The following SLC4A4 variants were observed in gnomAD, a reference collection of about 807,000 sequenced individuals.
SLC4A4 encodes electrogenic sodium bicarbonate cotransporter 1.
Under a neutral mutation model 111.5 loss-of-function variants are expected in SLC4A4, and 27 were observed. The observed-to-expected ratio is 0.24, with a 90% CI of 0.18 to 0.33. The LOEUF (loss-of-function observed/expected upper bound fraction) is 0.33, where lower values mean the gene tolerates loss of function less well. SLC4A4 is among the 10% of genes least tolerant of loss of function. The pLI, the probability that SLC4A4 is intolerant of heterozygous loss-of-function variation, is 1.00. For missense variants in SLC4A4, 909 were observed against 1,315.5 expected (o/e 0.69, Z 4.78); for synonymous variants, 443 against 463.4 (o/e 0.96, Z 0.57).
At chr4:71,534,665 C>A (rs148999464) in intron 18 of SLC4A4, among the ~76,000 whole-genome samples, 1 of 152,030 alleles carries the variant, frequency 6.6e-6, no homozygotes, top group Non-Finnish European at 1.5e-5. Context: ...TAGCCACAGT[C>A]ATCCTACATC....
At chr4:71,504,617 A>C (rs1731225207) in intron 16 of SLC4A4, among the ~76,000 whole-genome samples, 1 of 139,726 alleles carries the variant, frequency 7.2e-6, no homozygotes, top group African/African-American at 2.5e-5. Flanking sequence ...TCTATTCTAT[A>C]AATATTCTTT....
At chr4:71,526,016 T>C (rs1207983984) in intron 16 of SLC4A4, among the ~76,000 whole-genome samples, 1 of 152,102 alleles carries the variant, frequency 6.6e-6, no homozygotes, top group Non-Finnish European at 1.5e-5. Context: ...ATTGTGTATC[T>C]AGTAGACTAT....
chr4:71,473,366 TA>T, intron 14 of SLC4A4: 1 of 464,490 alleles, frequency 2.2e-6, no homozygotes, highest in Non-Finnish European at 3.8e-6. Flanking sequence ...TTCCTTTAAG[TA>T]AACCTTTAAT....
intron 1 of SLC4A4, among the ~76,000 whole-genome samples, chr4:71,081,456 C>T (rs1741991136): frequency 6.6e-6 from 1 of 152,136 alleles, no homozygotes; most frequent in Non-Finnish European, 1.5e-5. Flanking sequence ...TGTGCTGGTG[C>T]TGGTACTCCA....
At chr4:71,376,430 C>T (rs1159474090) in intron 6 of SLC4A4, among the ~76,000 whole-genome samples, 1 of 151,038 alleles carries the variant, frequency 6.6e-6, no homozygotes, top group Non-Finnish European at 1.5e-5. Flanking sequence ...GTCTTGATCT[C>T]CTGACCTCGT....
At chr4:71,508,121 A>G (rs1458094140) in intron 16 of SLC4A4, among the ~76,000 whole-genome samples, 1 of 152,186 alleles carries the variant, frequency 6.6e-6, no homozygotes, top group African/African-American at 2.4e-5. Flanking sequence ...CTAAAAGCCC[A>G]CATCAAAAAG....
chr4:71,132,887 T>C (rs1172839159), intron 2 of SLC4A4, among the ~76,000 whole-genome samples: 1 of 152,182 alleles, frequency 6.6e-6, no homozygotes, highest in Admixed American at 6.5e-5. Flanking sequence ...TATCACTGTG[T>C]TGGGCACTGC....
At position 71,151,885 on chromosome 4, in the gene SLC4A4, A is replaced by T. The variant is rs563548286; in HGVS notation, c.-2+59093A>T. 1.3e-4 allele frequency among the ~76,000 whole-genome samples: 20 copies of T among 151,810 alleles called. No homozygotes were observed. The South Asian group carries it at 2.1e-3, about 16-fold the overall frequency. On this transcript the variant is annotated intron_variant, in intron 2 of 26. Transcript: ENST00000649996. Reference sequence around the variant, plus strand: ...AGACCAGCCTGGCCAACATGGTAAAACCCCATCTCTACTAAAAATACAAAA... The same window carrying T: ...AGACCAGCCTGGCCAACATGGTAAATCCCCATCTCTACTAAAAATACAAAA...
intron 3 of SLC4A4, among the ~76,000 whole-genome samples, chr4:71,272,949 T>C (rs537294991): frequency 2.0e-5 from 3 of 152,226 alleles, no homozygotes; most frequent in Non-Finnish European, 4.4e-5. Context: ...ATGGTTCTTT[T>C]TGACAGTCAT....
chr4:71,376,530 C>A (rs1377829189), intron 6 of SLC4A4, among the ~76,000 whole-genome samples: 1 of 149,974 alleles, frequency 6.7e-6, no homozygotes, highest in East Asian at 2.0e-4. Flanking sequence ...ACAGGTTGAA[C>A]ACAGAAGCAG....
intron 3 of SLC4A4, among the ~76,000 whole-genome samples, chr4:71,288,967 C>CT (rs1250830882): frequency 6.6e-6 from 1 of 152,032 alleles, no homozygotes; most frequent in African/African-American, 2.4e-5. Flanking sequence ...TGGTTCTTGA[C>CT]TTTTTGGTGG....
chr4:71,071,825 G>A (rs1212946675), intron 1 of SLC4A4, among the ~76,000 whole-genome samples: 1 of 152,042 alleles, frequency 6.6e-6, no homozygotes, highest in African/African-American at 2.4e-5. Flanking sequence ...CTAATATTTT[G>A]ATATTTCAGA....
chr4:71,172,570 T>C (rs1170051566), intron 2 of SLC4A4, among the ~76,000 whole-genome samples: 1 of 152,224 alleles, frequency 6.6e-6, no homozygotes, highest in African/African-American at 2.4e-5. Flanking sequence ...AGATATTTTC[T>C]GACAAATGTT....
chr4:71,195,721 T>C (rs2602077), intron 1 of SLC4A4, among the ~76,000 whole-genome samples: 23,107 of 152,210 alleles, frequency 0.15, 2,803 homozygotes, highest in African/African-American at 0.3. Flanking sequence ...CGGTTCTTAC[T>C]TGACACATGG....
At chr4:71,130,769 C>T (rs1743680365) in intron 2 of SLC4A4, among the ~76,000 whole-genome samples, 2 of 152,154 alleles carry the variant, frequency 1.3e-5, no homozygotes, top group Non-Finnish European at 2.9e-5. Context: ...TTGTATCCCT[C>T]ACTGCACCTA....
At chr4:71,231,942 C>T (rs1456197244) in intron 1 of SLC4A4, among the ~76,000 whole-genome samples, 3 of 152,104 alleles carry the variant, frequency 2.0e-5, no homozygotes, top group African/African-American at 4.8e-5. Context: ...GGGAGGGACA[C>T]GAACCCAAAT....
chr4:71,198,115 G>A (rs996637965), intron 1 of SLC4A4, among the ~76,000 whole-genome samples: 6 of 152,120 alleles, frequency 3.9e-5, no homozygotes, highest in Non-Finnish European at 8.8e-5. Flanking sequence ...CAGGTATTAG[G>A]GCAGCATGAT....
At chr4:71,333,389 A>C (rs1031126747) in intron 3 of SLC4A4, among the ~76,000 whole-genome samples, 1 of 152,234 alleles carries the variant, frequency 6.6e-6, no homozygotes, top group Non-Finnish European at 1.5e-5. Context: ...GAACAGAAGA[A>C]GTCTCTCTTT....
chr4:71,443,634 T>C (rs1317778698), intron 8 of SLC4A4, among the ~76,000 whole-genome samples: 2 of 152,202 alleles, frequency 1.3e-5, no homozygotes, highest in African/African-American at 2.4e-5. Flanking sequence ...TGGAATAAAA[T>C]GTTTTAGGGT....
Sources: gnomAD v4.1 joint callset for allele counts (sites outside exome capture counted in the v4.1 genomes callset) on GRCh38, gnomAD v4.1.1 for gene constraint, MANE v1.5 for transcripts, NCBI Gene and HGNC (gene_info 2026-07-23, HGNC 2026-07-21) for gene names.